RSRC1: variants seen among roughly 807,000 people sequenced by gnomAD.
RSRC1 encodes serine/Arginine-related protein 53.
Under a neutral mutation model 49.1 loss-of-function variants are expected in RSRC1, and 39 were observed. The observed-to-expected ratio is 0.79, with a 90% CI of 0.61 to 1.04. The LOEUF (loss-of-function observed/expected upper bound fraction) is 1.04, where lower values mean the gene tolerates loss of function less well. Ranked by LOEUF, RSRC1 falls within the 50% of genes least tolerant of loss-of-function variation. The pLI, the probability that RSRC1 is intolerant of heterozygous loss-of-function variation, is 0.00. For synonymous variants in RSRC1, 143 were observed against 130.8 expected (o/e 1.09, Z -0.63); for missense variants, 388 against 402.4 (o/e 0.96, Z 0.31).
intron 3 of RSRC1, among the ~76,000 whole-genome samples, chr3:158,161,846 G>A (rs1718242372): frequency 6.6e-6 from 1 of 152,170 alleles, no homozygotes; most frequent in East Asian, 1.9e-4. Context: ...ATGAATCAAA[G>A]ATCTCATCAA....
chr3:158,196,375 G>A (rs1159220094), intron 3 of RSRC1, among the ~76,000 whole-genome samples: 1 of 152,174 alleles, frequency 6.6e-6, no homozygotes, highest in African/African-American at 2.4e-5. Context: ...TGCTGAAGTT[G>A]CTTATCAGCT....
chr3:158,233,906 A>G (rs1723101315), intron 4 of RSRC1, among the ~76,000 whole-genome samples: 2 of 152,140 alleles, frequency 1.3e-5, no homozygotes, highest in Admixed American at 1.3e-4. Flanking sequence ...ATGAATAACA[A>G]TTGTTTGTTG....
chr3:158,302,370 G>C (rs149045511), intron 5 of RSRC1, among the ~76,000 whole-genome samples: 149 of 152,190 alleles, frequency 9.8e-4, no homozygotes, highest in African/African-American at 3.3e-3. Flanking sequence ...TAAAGGAAAT[G>C]AGTGAAAACA....
chr3:158,225,497 C>T (rs1176543515), intron 4 of RSRC1, among the ~76,000 whole-genome samples: 1 of 151,886 alleles, frequency 6.6e-6, no homozygotes, highest in East Asian at 1.9e-4. Flanking sequence ...TTCATTGCCT[C>T]CTGTTCAGTT....
chr3:158,250,270 A>G (rs1210866122), intron 4 of RSRC1, among the ~76,000 whole-genome samples: 2 of 152,210 alleles, frequency 1.3e-5, no homozygotes, highest in South Asian at 2.1e-4. Context: ...TAGTGCTGCA[A>G]TAAACGTGGG....
At chr3:158,456,428 T>A (rs1472178368) in intron 6 of RSRC1, among the ~76,000 whole-genome samples, 1 of 151,592 alleles carries the variant, frequency 6.6e-6, no homozygotes, top group East Asian at 1.9e-4. Flanking sequence ...GACTAGAAAA[T>A]GTAGTCTGGC....
At chr3:158,167,185 C>G (rs1347545365) in intron 3 of RSRC1, among the ~76,000 whole-genome samples, 1 of 151,894 alleles carries the variant, frequency 6.6e-6, no homozygotes, top group Non-Finnish European at 1.5e-5. Context: ...TTCTCTCTCT[C>G]TTTTTTTCTT....
intron 6 of RSRC1, among the ~76,000 whole-genome samples, chr3:158,445,314 C>T (rs1403136829): frequency 6.6e-6 from 1 of 152,114 alleles, no homozygotes; most frequent in African/African-American, 2.4e-5. Flanking sequence ...CCATGAAATA[C>T]TATGCAGCCA....
intron 7 of RSRC1, among the ~76,000 whole-genome samples, chr3:158,476,402 T>A (rs1278913520): frequency 6.6e-6 from 1 of 152,052 alleles, no homozygotes; most frequent in East Asian, 1.9e-4. Flanking sequence ...TTGTCATAGG[T>A]AGAGAGGTGA....
chr3:158,241,338 A>C (rs1258139529), intron 4 of RSRC1, among the ~76,000 whole-genome samples: 1 of 151,966 alleles, frequency 6.6e-6, no homozygotes. Context: ...AGTTCCAGCT[A>C]CTCAGGAGGC....
chr3:158,206,165 G>C (rs1721334804), intron 4 of RSRC1, among the ~76,000 whole-genome samples: 1 of 152,196 alleles, frequency 6.6e-6, no homozygotes, highest in South Asian at 2.1e-4. Context: ...TAAAAGATAA[G>C]CAGTCTGAGG....
chr3:158,417,116 C>A (rs1270653185), intron 6 of RSRC1, among the ~76,000 whole-genome samples: 2 of 152,018 alleles, frequency 1.3e-5, no homozygotes, highest in African/African-American at 4.8e-5. Context: ...TAGGCTGCAT[C>A]TATAACATAT....
At chr3:158,462,289 TACAA>T (rs1478398647) in intron 7 of RSRC1, among the ~76,000 whole-genome samples, 2 of 151,974 alleles carry the variant, frequency 1.3e-5, no homozygotes, top group African/African-American at 2.4e-5. Context: ...GTGCCCATAG[TACAA>T]ACAGACATAA....
At chr3:158,495,851 T>C (rs1009083539) in intron 7 of RSRC1, among the ~76,000 whole-genome samples, 18 of 152,262 alleles carry the variant, frequency 1.2e-4, no homozygotes, top group Non-Finnish European at 2.2e-4. Flanking sequence ...CAGAGACTTA[T>C]GGCCTACAAA....
chr3:158,260,969 A>G (rs1724862425), intron 4 of RSRC1, among the ~76,000 whole-genome samples: 1 of 152,138 alleles, frequency 6.6e-6, no homozygotes, highest in Non-Finnish European at 1.5e-5. Context: ...GTGATTCAAG[A>G]TGATTTTCCT....
intron 3 of RSRC1, among the ~76,000 whole-genome samples, chr3:158,166,777 G>A (rs575495223): frequency 2.0e-5 from 3 of 152,142 alleles, no homozygotes; most frequent in Non-Finnish European, 4.4e-5. Context: ...CAATCAACTT[G>A]TTCTCTGCTA....
At chr3:158,308,415 T>C (rs1422088518) in intron 5 of RSRC1, among the ~76,000 whole-genome samples, 2 of 151,910 alleles carry the variant, frequency 1.3e-5, no homozygotes, top group Non-Finnish European at 1.5e-5. Context: ...TGTAGCAGGC[T>C]GCAAGGCGTC....
intron 6 of RSRC1, among the ~76,000 whole-genome samples, chr3:158,457,527 A>G (rs1737393510): frequency 6.6e-6 from 1 of 152,176 alleles, no homozygotes; most frequent in African/African-American, 2.4e-5. Context: ...GAGAGGGACC[A>G]TAGATAGGTA....
At chr3:158,404,889 T>C (rs1399063778) in intron 6 of RSRC1, among the ~76,000 whole-genome samples, 1 of 151,992 alleles carries the variant, frequency 6.6e-6, no homozygotes, top group East Asian at 1.9e-4. Flanking sequence ...TCTTTTTCTT[T>C]AGTGTTTTAA....
Sources: allele counts gnomAD v4.1 joint callset (sites outside exome capture counted in the v4.1 genomes callset), GRCh38; gene constraint gnomAD v4.1.1; transcripts MANE v1.5; gene names NCBI Gene and HGNC (gene_info 2026-07-23, HGNC 2026-07-21).